PECR: variants seen among roughly 807,000 people sequenced by gnomAD.
The protein encoded by PECR is 2,4-dienoyl-CoA reductase-related protein.
In PECR, 30 loss-of-function variants were observed where a neutral mutation model predicts 35.3. That is an observed-to-expected ratio of 0.85 (90% CI 0.64 to 1.15). The LOEUF (loss-of-function observed/expected upper bound fraction) is 1.15, where lower values mean the gene tolerates loss of function less well. Among genes scored for constraint, PECR ranks in the 50% most tolerant of loss-of-function variants. The pLI, the probability that PECR is intolerant of heterozygous loss-of-function variation, is 0.00. For missense variants in PECR, 392 were observed against 370.8 expected, an observed-to-expected ratio of 1.06 and a Z score of -0.47; for synonymous variants, 148 against 138.9, an observed-to-expected ratio of 1.07 and a Z score of -0.46.
intron 7 of PECR, among the ~76,000 whole-genome samples, chr2:216,039,826 G>C (rs1189006439): frequency 6.6e-6 from 1 of 152,160 alleles, no homozygotes; most frequent in Non-Finnish European, 1.5e-5. Context: ...AGGTGCCAGG[G>C]AAGCTTGGCA....
chr2:216,072,396 T>C (rs1695608153), intron 1 of PECR, among the ~76,000 whole-genome samples: 1 of 152,240 alleles, frequency 6.6e-6, no homozygotes, highest in Non-Finnish European at 1.5e-5. Flanking sequence ...TTTATTTTAT[T>C]TCTTATCTTT....
At chr2:216,055,707 T>C in intron 4 of PECR, among the ~76,000 whole-genome samples, 1 of 152,156 alleles carries the variant, frequency 6.6e-6, no homozygotes, top group East Asian at 1.9e-4. Flanking sequence ...CCCTCCTGGA[T>C]GCACAGCCCC....
intron 1 of PECR, among the ~76,000 whole-genome samples, chr2:216,072,758 C>T (rs1288013216): frequency 1.3e-5 from 2 of 152,158 alleles, no homozygotes; most frequent in Non-Finnish European, 2.9e-5. Context: ...TTTTCTTTAT[C>T]CAATCATCCA....
chr2:216,036,441 C>G (rs945261061), downstream of PECR, among the ~76,000 whole-genome samples: 5 of 152,282 alleles, frequency 3.3e-5, no homozygotes, highest in African/African-American at 9.6e-5. Context: ...ACATAAGGTC[C>G]CAGTGAGCTA....
intron 1 of PECR, among the ~76,000 whole-genome samples, chr2:216,067,100 C>T (rs936090096): frequency 6.6e-6 from 1 of 151,908 alleles, no homozygotes. Context: ...TACACTGCAG[C>T]AAGGGAGGGG....
intron 1 of PECR, among the ~76,000 whole-genome samples, chr2:216,072,961 T>C (rs185251071): frequency 6.0e-4 from 91 of 152,318 alleles, no homozygotes; most frequent in African/African-American, 2.0e-3. Flanking sequence ...ATAGAGCTTG[T>C]ACAAAATAAG....
At chr2:216,060,521 G>A (rs181237252) in intron 3 of PECR, among the ~76,000 whole-genome samples, 62 of 152,172 alleles carry the variant, frequency 4.1e-4, no homozygotes, top group African/African-American at 1.4e-3. Context: ...AATTAGCCTG[G>A]CATGGTGTCA....
At chr2:216,068,921 A>G (rs889675208) in intron 1 of PECR, among the ~76,000 whole-genome samples, 5 of 149,804 alleles carry the variant, frequency 3.3e-5, no homozygotes, top group African/African-American at 9.8e-5. Context: ...CTTTAAAGGT[A>G]TAGTTCAAAG....
chr2:216,074,505 GAA>G (rs1695651288), intron 1 of PECR, among the ~76,000 whole-genome samples: 1 of 96,638 alleles, frequency 1.0e-5, no homozygotes, highest in African/African-American at 5.8e-5. Context: ...AGGAAGGAAG[GAA>G]GGAAGGAAGG....
chr2:216,066,553 C>G, intron 1 of PECR, 35 bp from the exon 2 acceptor site: 1 of 1,602,934 alleles, frequency 6.2e-7, no homozygotes, highest in Non-Finnish European at 8.5e-7. Context: ...AATAAATATG[C>G]CTTCATGGGA....
chr2:216,077,118 C>T (rs571708884), intron 1 of PECR, among the ~76,000 whole-genome samples: 1 of 152,056 alleles, frequency 6.6e-6, no homozygotes, highest in African/African-American at 2.4e-5. Context: ...AGGCTGATCT[C>T]GAACTCCCAA....
At position 216,044,011 on chromosome 2, in the gene PECR, G is replaced by C; in HGVS notation, c.719C>G (p.Ser240Cys). ...AGACAGTAGGAAGCAGACCACAGAGGAGACCTGGAAACAGAAACACACATG... is the reference window on the plus strand; with the variant it reads ...AGACAGTAGGAAGCAGACCACAGAGCAGACCTGGAAACAGAAACACACATG... The part of the protein sequence containing the change: ...AKRIGVPEEV[S>C]SVVCFLLSPA... The change falls in exon 7 of 8, where the codon TCC becomes TGC. Residue 240 changes from serine (S) to cysteine (C), a missense_variant. By Grantham distance (112) the Ser-to-Cys change is moderately radical. Coordinates refer to ENST00000265322, the MANE Select transcript of PECR (RefSeq NM_018441.6). 1 of 1,577,334 alleles carries C rather than the reference G, an allele frequency of 6.3e-7. No individual in the cohort carries two copies. The highest frequency in any genetic ancestry group is 1.1e-5 in the South Asian group (1 of 90,328).
intron 5 of PECR, 51 bp downstream of exon 5, chr2:216,051,398 A>G: frequency 2.8e-6 from 3 of 1,068,324 alleles, no homozygotes; most frequent in Non-Finnish European, 4.4e-6. Flanking sequence ...TCACAAATGG[A>G]ATCAGAAAGC....
At chr2:216,054,757 C>T (rs1695191344) in intron 4 of PECR, among the ~76,000 whole-genome samples, 1 of 152,166 alleles carries the variant, frequency 6.6e-6, no homozygotes, top group African/African-American at 2.4e-5. Context: ...ATTCCAAATT[C>T]TACAGTCATA....
chr2:216,051,300 A>G (rs1056884187), intron 5 of PECR, 149 bp downstream of exon 5: 46 of 622,836 alleles, frequency 7.4e-5, no homozygotes, highest in Middle Eastern at 4.1e-4. Context: ...AAAAAAAAAA[A>G]AAAGAAAATT....
rs1273943601 is a variant in PECR at position 216,076,422 on chromosome 2, G to GA, written c.124+5195dup. Among the ~76,000 whole-genome samples the GA allele has an allele frequency of 3.9e-5, 6 of 152,220 alleles. No individual in the cohort carries two copies. In the South Asian group the frequency reaches 6.2e-4, roughly 16 times the overall value. On this transcript the variant is annotated intron_variant, in intron 1 of 7. Transcript: ENST00000265322. Reference sequence around the variant, plus strand: ...ATGCAAGGATGTAGTCTTGAGAAGTGAAAAAATGGAAATTACCTAAAAATT... The same window carrying GA: ...ATGCAAGGATGTAGTCTTGAGAAGTGAAAAAAATGGAAATTACCTAAAAATT...
chr2:216,055,979 C>A (rs1695218109), intron 4 of PECR, among the ~76,000 whole-genome samples: 1 of 152,118 alleles, frequency 6.6e-6, no homozygotes, highest in Non-Finnish European at 1.5e-5. Context: ...TCGAGTTCAC[C>A]TTTGAGACAT....
chr2:216,063,081 T>G (rs1306998390), intron 3 of PECR, among the ~76,000 whole-genome samples: 1 of 152,222 alleles, frequency 6.6e-6, no homozygotes. Flanking sequence ...TTCATATATA[T>G]GCACACATAA....
chr2:216,032,530 C>T (rs924333619), intron 7 of PECR, among the ~76,000 whole-genome samples: 1 of 152,174 alleles, frequency 6.6e-6, no homozygotes, highest in Non-Finnish European at 1.5e-5. Context: ...GTACAGGGGT[C>T]TTCCTAGGGC....
Sources: allele counts gnomAD v4.1 joint callset (sites outside exome capture counted in the v4.1 genomes callset), GRCh38; gene constraint gnomAD v4.1.1; transcripts MANE v1.5; gene names NCBI Gene and HGNC (gene_info 2026-07-23, HGNC 2026-07-21).